Variants in FMNL3 observed in about 807,000 individuals in gnomAD.
The protein encoded by FMNL3 is formin like 3.
Under a neutral mutation model 119.6 loss-of-function variants are expected in FMNL3, and 57 were observed. The ratio of observed to expected loss-of-function variants is 0.48; its 90% CI spans 0.39 to 0.59. FMNL3 has a LOEUF of 0.59. FMNL3 is among the 20% of genes least tolerant of loss of function. FMNL3 has a pLI of 0.00. For missense variants in FMNL3, 1,053 were observed against 1,323.5 expected (o/e 0.80, Z 3.17); for synonymous variants, 491 against 507.3 (o/e 0.97, Z 0.43).
chr12:49,675,935 T>C (rs1039828787), intron 1 of FMNL3, among the ~76,000 whole-genome samples: 1 of 152,128 alleles, frequency 6.6e-6, no homozygotes, highest in Non-Finnish European at 1.5e-5. Flanking sequence ...CTATGGAATC[T>C]CTCTCTCCTG....
Position 49,641,590 on chromosome 12 carries a change from C to A in FMNL3, c.*4225G>T. 1 of 339,908 alleles carries A rather than the reference C, an allele frequency of 2.9e-6. No individual in the cohort carries two copies. The highest frequency in any genetic ancestry group is 5.5e-6 in the Non-Finnish European group (1 of 183,096). The allele number at this position is 339,908 out of a possible 1,614,324, so 21.1% of individuals were successfully genotyped here. ...AATGCATGGAAGCACTGCTGAGCAG[C>A]AGGAGGGCCCAGCTGGGGCCAGAGC... On this transcript the variant is annotated 3_prime_UTR_variant, in exon 26 of 26. Coordinates refer to ENST00000335154, the MANE Select transcript of FMNL3 (RefSeq NM_175736.5).
intron 1 of FMNL3, among the ~76,000 whole-genome samples, chr12:49,697,004 T>C (rs368086743): frequency 1.3e-3 from 199 of 152,252 alleles, no homozygotes; most frequent in South Asian, 0.011. Flanking sequence ...CCCAAAATAC[T>C]ACATGTGTTC....
chr12:49,649,023 C>T lies in FMNL3; in HGVS notation c.2515+6G>A. ...GGGCAGGCCCACCCAGCCAGGCTCTCCTCACCTGCTGCAGCCTTCTCAACA... is the reference window on the plus strand; with the variant it reads ...GGGCAGGCCCACCCAGCCAGGCTCTTCTCACCTGCTGCAGCCTTCTCAACA... On this transcript the variant is annotated splice_donor_region_variant and intron_variant, in intron 21 of 25. Transcript: ENST00000335154. The surrounding 1 kb of genome is among the most constrained non-coding windows in gnomAD (Gnocchi z 5.6). 1 of 1,583,836 alleles carries T rather than the reference C, an allele frequency of 6.3e-7. No homozygotes were observed. The highest frequency in any genetic ancestry group is 8.6e-7 in the Non-Finnish European group (1 of 1,165,066).
rs1354540775 is a variant in FMNL3 at position 49,652,231 on chromosome 12, C to T, written c.1324-19G>A. On this transcript the variant is annotated intron_variant, in intron 13 of 25. Transcript: ENST00000335154. ...ATGTCTCCTGGCAGGCAGACAGCAC[C>T]ATTAAGGGAAAAGTGGGCTGAAGGC... The T allele has an allele frequency of 6.2e-7, 1 of 1,606,864 alleles. No homozygotes were observed. The highest frequency in any genetic ancestry group is 1.1e-5 in the South Asian group (1 of 89,576).
chr12:49,647,076 A>C lies in FMNL3; in HGVS notation c.2872-67T>G. The C allele has an allele frequency of 1.9e-6, 3 of 1,607,602 alleles. No homozygotes were observed. The highest frequency in any genetic ancestry group is 4.5e-5 in the East Asian group (2 of 44,782). On this transcript the variant is annotated intron_variant, in intron 24 of 25. Transcript: ENST00000335154. This position sits in a 1 kb window ranked among gnomAD's most constrained non-coding sequence, Gnocchi z 4.9. ...CTAATGTGGGACTGGTTCCTGCCCCAAGGTGCAGTCTGAGGATGCCACTGC... is the reference window on the plus strand; with the variant it reads ...CTAATGTGGGACTGGTTCCTGCCCCCAGGTGCAGTCTGAGGATGCCACTGC...
chr12:49,689,410 C>G (rs1944546760), intron 1 of FMNL3, among the ~76,000 whole-genome samples: 2 of 152,160 alleles, frequency 1.3e-5, no homozygotes, highest in African/African-American at 4.8e-5. Flanking sequence ...TGTTGAAACC[C>G]TGGGCAGGAA....
chr12:49,656,715 G>T, intron 8 of FMNL3, 108 bp downstream of exon 8: 1 of 1,139,170 alleles, frequency 8.8e-7, no homozygotes, highest in Non-Finnish European at 1.3e-6. Flanking sequence ...CCAAACCAAG[G>T]CTCTTGACAG....
chr12:49,656,568 CTGGGTAAGTCCTTT>C lies in FMNL3; in HGVS notation c.792-85_792-72del, dbSNP rs528179829. On this transcript the variant is annotated intron_variant, in intron 8 of 25. Transcript: ENST00000335154. ...ACAACCACACAGCTCATTTCCCTGA[CTGGGTAAGTCCTTT>C]TGGAGAGTGGAGAAAGCCTCAGTGG... 7.4e-5 allele frequency: 103 copies of C among 1,386,170 alleles called. 2 individuals carry two copies. The South Asian group carries it at 1.1e-3, about 15-fold the overall frequency. 85.9% of individuals were successfully genotyped at this position (1,386,170 alleles called of 1,614,324 possible).
chr12:49,670,312 A>T (rs1469099994), intron 1 of FMNL3, among the ~76,000 whole-genome samples: 3 of 152,232 alleles, frequency 2.0e-5, no homozygotes, highest in Non-Finnish European at 4.4e-5. Context: ...CTGTCATATT[A>T]TCTATTTATT....
At chr12:49,674,338 A>G (rs760554800) in intron 1 of FMNL3, among the ~76,000 whole-genome samples, 19 of 152,204 alleles carry the variant, frequency 1.2e-4, no homozygotes, top group Non-Finnish European at 2.1e-4. Flanking sequence ...CCCTGCCTCG[A>G]TAGAGTAGGG....
chr12:49,646,266 G>A (rs1270403191), intron 25 of FMNL3, among the ~76,000 whole-genome samples: 1 of 152,196 alleles, frequency 6.6e-6, no homozygotes, highest in African/African-American at 2.4e-5. Context: ...GAGCTCTTAT[G>A]AGAAGAGAAC....
In FMNL3 at chr12:49,644,192, AC is replaced by A; in HGVS notation, c.*1622del. 1.2e-6 allele frequency: 2 copies of A among 1,613,972 alleles called. No homozygotes were observed. Among genetic ancestry groups the A allele is most frequent in the South Asian group, 2.2e-5 (2 of 91,086 alleles). ...TACAGCAGCTGGATGATCACCAGTGACCCAATGAGCTGTTCTCTGCCTCGGG... is the reference window on the plus strand; with the variant it reads ...TACAGCAGCTGGATGATCACCAGTGACCAATGAGCTGTTCTCTGCCTCGGG... On this transcript the variant is annotated 3_prime_UTR_variant, in exon 26 of 26. Coordinates refer to ENST00000335154, the MANE Select transcript of FMNL3 (RefSeq NM_175736.5).
chr12:49,642,853 C>A lies in FMNL3; in HGVS notation c.*2962G>T. On this transcript the variant is annotated 3_prime_UTR_variant, in exon 26 of 26. Transcript: ENST00000335154. This position sits in a 1 kb window ranked among gnomAD's most constrained non-coding sequence, Gnocchi z 5.8. ...TCTAGTCTGAGAAAGGGAGGCAAAG[C>A]CAGATTTTAGGAAGTAGGATCCTTC... 6.6e-7 allele frequency: 1 copy of A among 1,514,302 alleles called. No individual in the cohort carries two copies. The highest frequency in any genetic ancestry group is 1.2e-5 in the South Asian group (1 of 83,284). 93.8% of individuals were successfully genotyped at this position (1,514,302 alleles called of 1,614,324 possible).
chr12:49,643,243 G>A lies in FMNL3; in HGVS notation c.*2572C>T, dbSNP rs1275578843. On this transcript the variant is annotated 3_prime_UTR_variant, in exon 26 of 26. Coordinates refer to ENST00000335154, the MANE Select transcript of FMNL3 (RefSeq NM_175736.5). ...CCCAGGGCTCTGAGTCAGAAGAAGA[G>A]GAGCTGCCCCCACCATCTCTCCGGC... 5 of 1,613,982 alleles carry A rather than the reference G, an allele frequency of 3.1e-6. No homozygotes were observed. The highest frequency in any genetic ancestry group is 4.5e-5 in the East Asian group (2 of 44,902).
In FMNL3 at chr12:49,644,080, C is replaced by A. The variant is rs1309119383; in HGVS notation, c.*1735G>T. On this transcript the variant is annotated 3_prime_UTR_variant, in exon 26 of 26. Transcript: ENST00000335154. Reference sequence around the variant, plus strand: ...GCCCTTAGTGCAGGCTAAGGGTGAACTGTGCCTTTGCTCCAACAGACAGGC... The same window carrying A: ...GCCCTTAGTGCAGGCTAAGGGTGAAATGTGCCTTTGCTCCAACAGACAGGC... The A allele has an allele frequency of 1.2e-6, 2 of 1,614,106 alleles. No homozygotes were observed. Among genetic ancestry groups the A allele is most frequent in the Admixed American group, 3.3e-5 (2 of 60,012 alleles).
intron 1 of FMNL3, among the ~76,000 whole-genome samples, chr12:49,681,723 ATTT>A (rs59364876): frequency 2.8e-4 from 40 of 143,226 alleles, no homozygotes; most frequent in African/African-American, 1.0e-3. Flanking sequence ...CGCTTGGCTA[ATTT>A]TTTTTTTTTT....
chr12:49,703,298 C>T (rs961293741), intron 1 of FMNL3, among the ~76,000 whole-genome samples: 5 of 152,196 alleles, frequency 3.3e-5, no homozygotes, highest in African/African-American at 1.2e-4. Context: ...TTCTGAGCAA[C>T]TGAGTTTGGG....
At position 49,641,686 on chromosome 12, in the gene FMNL3, A is replaced by G. The variant is rs1942672970; in HGVS notation, c.*4129T>C. 4 of 543,926 alleles carry G rather than the reference A, an allele frequency of 7.4e-6. No individual in the cohort carries two copies. Among genetic ancestry groups the G allele is most frequent in the Non-Finnish European group, 1.3e-5 (4 of 306,842 alleles). The allele number at this position is 543,926 out of a possible 1,614,324, so 33.7% of individuals were successfully genotyped here. ...ATCAGCAGTTGGGAGACATCTCCCA[A>G]CCCCTTCAGCTCTGTGTGACATCCA... is the stretch of plus-strand genomic sequence containing the variant. On this transcript the variant is annotated 3_prime_UTR_variant, in exon 26 of 26. Transcript: ENST00000335154.
At chr12:49,654,167 C>T (rs751491509) in intron 11 of FMNL3, 25 bp downstream of exon 11, 1 of 1,602,864 alleles carries the variant, frequency 6.2e-7, no homozygotes, top group Non-Finnish European at 8.5e-7. Flanking sequence ...AGCACCTCAC[C>T]TTACAAGGAC....
Sources: gnomAD v4.1 joint callset for allele counts (sites outside exome capture counted in the v4.1 genomes callset) on GRCh38, gnomAD v4.1.1 for gene constraint, Gnocchi (gnomAD v3.1) non-coding constraint, MANE v1.5 for transcripts, NCBI Gene and HGNC (gene_info 2026-07-23, HGNC 2026-07-21) for gene names.